Variants in ALDH1A3 observed in about 807,000 individuals in gnomAD.
ALDH1A3 encodes aldehyde dehydrogenase 1 family member A3, also known as retinaldehyde dehydrogenase 3.
Under a neutral mutation model 57.5 loss-of-function variants are expected in ALDH1A3, and 28 were observed. The observed-to-expected ratio is 0.49, with a 90% CI of 0.36 to 0.67. The LOEUF (loss-of-function observed/expected upper bound fraction) is 0.67. ALDH1A3 is among the 30% of genes least tolerant of loss of function. The pLI, the probability that ALDH1A3 is intolerant of heterozygous loss-of-function variation, is 0.00. For synonymous variants in ALDH1A3, 281 were observed against 264.8 expected, an observed-to-expected ratio of 1.06 and a Z score of -0.59; for missense variants, 507 against 669.4, an observed-to-expected ratio of 0.76 and a Z score of 2.68.
Position 100,908,497 on chromosome 15 carries a change from C to T in ALDH1A3, c.1466+15C>T, listed in dbSNP as rs752220935. 4 of 1,601,878 alleles carry T rather than the reference C, an allele frequency of 2.5e-6. No homozygotes were observed. Among genetic ancestry groups the T allele is most frequent in the Non-Finnish European group, 3.4e-6 (4 of 1,169,096 alleles). On this transcript the variant is annotated intron_variant, in intron 12 of 12. Transcript: ENST00000329841. ...GGCAGAGAACTGTAAGTGTTTCCAT[C>T]ATTCTGAGCCTGCCGTGGGCTGAAC...
chr15:100,903,908 A>C (rs1290141402), intron 9 of ALDH1A3, among the ~76,000 whole-genome samples: 2 of 152,176 alleles, frequency 1.3e-5, no homozygotes, highest in Non-Finnish European at 2.9e-5. Context: ...TTAGCTTTCT[A>C]TGAATATGAC....
chr15:100,880,209 C>T (rs2041532751), intron 1 of ALDH1A3: 2 of 401,270 alleles, frequency 5.0e-6, no homozygotes, highest in South Asian at 1.2e-4. Context: ...CGGGGCTCGG[C>T]GCTGTGAGCC....
chr15:100,880,088 C>T (rs2041530889), intron 1 of ALDH1A3, 82 bp downstream of exon 1: 8 of 1,087,214 alleles, frequency 7.4e-6, no homozygotes, highest in African/African-American at 1.6e-5. Context: ...GGCGAGGGAG[C>T]AGCGGGCCGG....
rs746020355 is a variant in ALDH1A3, at chr15:100,914,809, G to A, written c.*36G>A. 1 of 1,595,806 alleles carries A rather than the reference G, an allele frequency of 6.3e-7. No homozygotes were observed. Among genetic ancestry groups the A allele is most frequent in the Non-Finnish European group, 8.6e-7 (1 of 1,164,552 alleles). On this transcript the variant is annotated 3_prime_UTR_variant, in exon 13 of 13. Coordinates refer to ENST00000329841, the MANE Select transcript of ALDH1A3 (RefSeq NM_000693.4). Reference sequence around the variant, plus strand: ...GGGCTCCTTCCTCAAACATCGGACGGCGGAATGTGGCAGATGAAATGTGCT... The same window carrying A: ...GGGCTCCTTCCTCAAACATCGGACGACGGAATGTGGCAGATGAAATGTGCT...
chr15:100,908,548 G>A (rs2041849399), intron 12 of ALDH1A3, 66 bp downstream of exon 12: 11 of 1,424,108 alleles, frequency 7.7e-6, no homozygotes, highest in Non-Finnish European at 1.1e-5. Flanking sequence ...TTTGCAGGCA[G>A]TGACACAGGC....
At chr15:100,907,497 C>G (rs1417836571) in intron 11 of ALDH1A3, among the ~76,000 whole-genome samples, 3 of 152,184 alleles carry the variant, frequency 2.0e-5, no homozygotes, top group Admixed American at 2.0e-4. Context: ...GATGAAGTGA[C>G]TTGCCCAGGG....
At position 100,914,778 on chromosome 15, in the gene ALDH1A3, A is replaced by G. The variant is rs763510560; in HGVS notation, c.*5A>G. The G allele has an allele frequency of 1.2e-6, 2 of 1,613,800 alleles. No individual in the cohort carries two copies. The highest frequency in any genetic ancestry group is 2.2e-5 in the East Asian group (1 of 44,882). On this transcript the variant is annotated 3_prime_UTR_variant, in exon 13 of 13. Coordinates refer to ENST00000329841, the MANE Select transcript of ALDH1A3 (RefSeq NM_000693.4). ...CTTGGCGACAAGAACCCCTGAAGGA[A>G]AGGCGGGGCTCCTTCCTCAAACATC... is the stretch of plus-strand genomic sequence containing the variant.
intron 6 of ALDH1A3, chr15:100,895,689 C>A: frequency 1.8e-6 from 1 of 555,858 alleles, no homozygotes. Context: ...TGGGGTCCCC[C>A]CCCAGAAGGA....
At position 100,887,645 on chromosome 15, in the gene ALDH1A3, C is replaced by T; in HGVS notation, c.278C>T (p.Ala93Val). 6.2e-7 allele frequency: 1 copy of T among 1,611,860 alleles called. No individual in the cohort carries two copies. Residue 93 changes from alanine to valine, a missense_variant, in exon 3 of 13, where the codon GCC becomes GTC. Physicochemically the swap from Ala to Val is moderately conservative, Grantham distance 64. This residue lies in a region of ALDH1A3 where 432 missense variants were observed against 608.4 expected (regional missense o/e 0.71). Coordinates refer to ENST00000329841, the MANE Select transcript of ALDH1A3 (RefSeq NM_000693.4). The surrounding 1 kb of genome is among the most constrained non-coding windows in gnomAD (Gnocchi z 4.6). ...GGCTCGCCATGGCGCCGGCTGGATG[C>T]CCTGAGTCGTGGGCGGCTGCTGCAC... ...QRGSPWRRLD[A>V]LSRGRLLHQL...
In ALDH1A3 at chr15:100,883,667, T is replaced by C. The variant is rs530748746; in HGVS notation, c.100-1600T>C. ...TTGTGGGTTTTTTTTTTTTTTAACA[T>C]TCTATCAACTTTTAAGTTCTGGGGT... On this transcript the variant is annotated intron_variant, in intron 1 of 12. Coordinates refer to ENST00000329841, the MANE Select transcript of ALDH1A3 (RefSeq NM_000693.4). Among the ~76,000 whole-genome samples, 19 of 151,894 alleles carry C rather than the reference T, an allele frequency of 1.3e-4. No homozygotes were observed. In the South Asian group the frequency reaches 3.3e-3, roughly 27 times the overall value.
chr15:100,908,774 C>G lies in ALDH1A3; in HGVS notation c.1466+292C>G, dbSNP rs181030799. On this transcript the variant is annotated intron_variant, in intron 12 of 12. Transcript: ENST00000329841. ...GGATATTTGACAAAAGCTCCCTGGA[C>G]GGGGACACAGGCAGAACTGAAAAAG... 8.2e-4 allele frequency among the ~76,000 whole-genome samples: 125 copies of G among 152,300 alleles called. 1 individual carries two copies. Among genetic ancestry groups the G allele is most frequent in the Non-Finnish European group, 1.5e-3 (103 of 68,022 alleles).
In ALDH1A3 at chr15:100,887,148, G is replaced by A. The variant is rs143438779; in HGVS notation, c.205-424G>A. On this transcript the variant is annotated intron_variant, in intron 2 of 12. Coordinates refer to ENST00000329841, the MANE Select transcript of ALDH1A3 (RefSeq NM_000693.4). This position sits in a 1 kb window ranked among gnomAD's most constrained non-coding sequence, Gnocchi z 4.6. ...AAAGAAGAAAAAAAATCACTTGAAC[G>A]CTCCCAGCCATTCAAGTGATTGAAA... Among the ~76,000 whole-genome samples, 1,033 of 152,260 alleles carry A rather than the reference G, an allele frequency of 6.8e-3. 16 individuals are homozygous for A. Among genetic ancestry groups the A allele is most frequent in the East Asian group, 0.023 (117 of 5,178 alleles).
intron 4 of ALDH1A3, 32 bp from the exon 5 acceptor site, chr15:100,892,913 G>T (rs752352897): frequency 6.2e-7 from 1 of 1,610,202 alleles, no homozygotes; most frequent in Non-Finnish European, 8.5e-7. Flanking sequence ...CTAAGTGAGT[G>T]TGTCCTTCCC....
In ALDH1A3 at chr15:100,914,929, T is replaced by C; in HGVS notation, c.*156T>C. 1.5e-6 allele frequency: 1 copy of C among 685,892 alleles called. No homozygotes were observed. The highest frequency in any genetic ancestry group is 1.8e-5 in the South Asian group (1 of 54,088). 42.5% of individuals were successfully genotyped at this position (685,892 alleles called of 1,614,324 possible). A position where few individuals can be genotyped will look rare whatever the true frequency, so the allele number is the denominator to read the frequency against. On this transcript the variant is annotated 3_prime_UTR_variant, in exon 13 of 13. Transcript: ENST00000329841. ...TGAATGATTGCTGTTTTCCTCTCAC[T>C]CTCCTGTTTATTCACCAGACTGGGG...
intron 7 of ALDH1A3, among the ~76,000 whole-genome samples, chr15:100,896,315 A>G (rs2041703374): frequency 6.6e-6 from 1 of 152,194 alleles, no homozygotes; most frequent in African/African-American, 2.4e-5. Context: ...CATAATTAAG[A>G]TTAAGAGATA....
chr15:100,895,898 G>A (rs756623527), intron 6 of ALDH1A3, 35 bp from the exon 7 acceptor site: 54 of 1,551,148 alleles, frequency 3.5e-5, no homozygotes, highest in East Asian at 4.6e-5. Flanking sequence ...GATGAAGTCC[G>A]TTCTTCTTCA....
intron 11 of ALDH1A3, 94 bp downstream of exon 11, chr15:100,907,372 T>C: frequency 7.0e-7 from 1 of 1,426,018 alleles, no homozygotes; most frequent in African/African-American, 1.4e-5. Context: ...ATTGTTTACA[T>C]TGTATATTAT....
chr15:100,909,662 A>C (rs904496785), intron 12 of ALDH1A3, among the ~76,000 whole-genome samples: 6 of 152,224 alleles, frequency 3.9e-5, no homozygotes, highest in African/African-American at 1.4e-4. Flanking sequence ...CCTGCTGGGA[A>C]AATGAGTTCC....
At position 100,905,618 on chromosome 15, in the gene ALDH1A3, CAA is replaced by C; in HGVS notation, c.1165_1166del (p.Lys389GlyfsTer45). On this transcript the variant is annotated frameshift_variant, in exon 10 of 13. Transcript: ENST00000329841. LOFTEE classifies it high-confidence loss of function. ...AATGCGGGGGCTCAGCCATGGAAGA[CAA>C]GGGGCTCTTCATCAAACCCACTGTC... ...LECGGSAMEDKGLFIKPTVFS... is the reference protein window; with the variant it reads ...LECGGSAMEDXGLFIKPTVFS... 6.2e-7 allele frequency: 1 copy of C among 1,612,904 alleles called. No homozygotes were observed. Among genetic ancestry groups the C allele is most frequent in the Non-Finnish European group, 8.5e-7 (1 of 1,179,490 alleles).
Sources: gnomAD v4.1 joint callset for allele counts (sites outside exome capture counted in the v4.1 genomes callset) on GRCh38, gnomAD v4.1.1 for gene constraint, gnomAD v4.1.1 regional missense constraint, Gnocchi (gnomAD v3.1) non-coding constraint, MANE v1.5 for transcripts, NCBI Gene and HGNC (gene_info 2026-07-23, HGNC 2026-07-21) for gene names.